Variants in RUNX1 observed in about 807,000 individuals in gnomAD.
RUNX1 encodes the protein runt-related transcription factor 1.
In RUNX1, 19 loss-of-function variants were observed where a neutral mutation model predicts 42.8. That is an observed-to-expected ratio of 0.44 (90% CI 0.31 to 0.65). RUNX1 has a LOEUF of 0.65. RUNX1 is among the 30% of genes least tolerant of loss of function. The probability of loss-of-function intolerance (pLI) is 0.07; values close to 1 mark genes in which losing one functional copy is unlikely to be tolerated. For missense variants in RUNX1, 528 were observed against 672.0 expected (o/e 0.79, Z 2.37); for synonymous variants, 271 against 289.4 (o/e 0.94, Z 0.64).
chr21:34,933,529 C>G (rs1317976352), intron 2 of RUNX1, among the ~76,000 whole-genome samples: 2 of 152,118 alleles, frequency 1.3e-5, no homozygotes, highest in Non-Finnish European at 2.9e-5. Context: ...TTCTGGCAAG[C>G]TGGAGTCATT....
At chr21:34,929,292 G>A (rs909862475) in intron 2 of RUNX1, among the ~76,000 whole-genome samples, 2 of 152,184 alleles carry the variant, frequency 1.3e-5, no homozygotes, top group Non-Finnish European at 2.9e-5. Context: ...ATGGACCACT[G>A]TAAGGAAAAA....
At chr21:34,794,152 T>C (rs1381742691) in intron 8 of RUNX1, among the ~76,000 whole-genome samples, 1 of 152,108 alleles carries the variant, frequency 6.6e-6, no homozygotes, top group African/African-American at 2.4e-5. Flanking sequence ...TGCACAAATA[T>C]GTTACTACTA....
At chr21:34,812,414 T>TA (rs971434805) in intron 7 of RUNX1, among the ~76,000 whole-genome samples, 16 of 152,156 alleles carry the variant, frequency 1.1e-4, no homozygotes, top group Non-Finnish European at 2.4e-4. Flanking sequence ...CACTTGAAGA[T>TA]AAGAGCCATT....
At chr21:34,998,544 C>G (rs2059014244) in intron 2 of RUNX1, among the ~76,000 whole-genome samples, 2 of 151,790 alleles carry the variant, frequency 1.3e-5, no homozygotes, top group African/African-American at 4.8e-5. Context: ...TTCTTTTTTT[C>G]TTTTTCCTTT....
intron 7 of RUNX1, among the ~76,000 whole-genome samples, chr21:34,806,525 G>A (rs2056682416): frequency 1.3e-5 from 2 of 152,252 alleles, no homozygotes. Context: ...AGGTAAATAC[G>A]CTATTACAAT....
rs1021111973 is a variant in RUNX1 at position 34,820,262 on chromosome 21, G to A, written c.805+14148C>T. Among the ~76,000 whole-genome samples the A allele has an allele frequency of 1.2e-4, 19 of 152,154 alleles. 1 individual carries two copies. The highest frequency in any genetic ancestry group is 2.1e-4 in the South Asian group (1 of 4,824). ...CTGGGTGGGGCTGAGTAGAATGGGCGTGGCTTTGAGGAGGATTTCCCTTCC... is the reference window on the plus strand; with the variant it reads ...CTGGGTGGGGCTGAGTAGAATGGGCATGGCTTTGAGGAGGATTTCCCTTCC... On this transcript the variant is annotated intron_variant, in intron 7 of 8. Coordinates refer to ENST00000675419, the MANE Select transcript of RUNX1 (RefSeq NM_001754.5).
intron 2 of RUNX1, among the ~76,000 whole-genome samples, chr21:35,044,108 T>C (rs1012785715): frequency 1.3e-5 from 2 of 152,226 alleles, no homozygotes; most frequent in African/African-American, 4.8e-5. Context: ...TCGTTCTTTT[T>C]CCACAAGGGA....
intron 7 of RUNX1, chr21:34,833,851 G>A (rs2057100386): frequency 4.3e-6 from 1 of 234,464 alleles, no homozygotes; most frequent in Non-Finnish European, 8.7e-6. Flanking sequence ...CTAGCCCCAT[G>A]GGCTGGGGGG....
intron 2 of RUNX1, among the ~76,000 whole-genome samples, chr21:34,962,568 T>C (rs1408096287): frequency 1.5e-5 from 2 of 135,160 alleles, no homozygotes; most frequent in African/African-American, 5.3e-5. Context: ...ATTGATGTGA[T>C]TGTTGTTTGT....
intron 4 of RUNX1, among the ~76,000 whole-genome samples, chr21:34,880,978 C>T (rs1680345995): frequency 6.6e-6 from 1 of 152,114 alleles, no homozygotes; most frequent in South Asian, 2.1e-4. Context: ...TTTGCACCAA[C>T]CTAATACATT....
intron 2 of RUNX1, among the ~76,000 whole-genome samples, chr21:34,948,087 CTT>C (rs368333100): frequency 1.3e-4 from 18 of 137,042 alleles, no homozygotes; most frequent in African/African-American, 3.7e-4. Context: ...CAAAAGAAAT[CTT>C]TTTTTTTTTT....
chr21:34,884,403 C>G (rs1191384287), intron 4 of RUNX1, among the ~76,000 whole-genome samples: 3 of 152,134 alleles, frequency 2.0e-5, no homozygotes, highest in African/African-American at 4.8e-5. Context: ...TATCATCAGG[C>G]CTTATCATTG....
chr21:34,978,949 C>CACACACAA (rs2058825095), intron 2 of RUNX1, among the ~76,000 whole-genome samples: 1 of 149,822 alleles, frequency 6.7e-6, no homozygotes, highest in African/African-American at 2.5e-5. Flanking sequence ...CACACACACA[C>CACACACAA]ACACACACAC....
chr21:34,862,173 G>A (rs1198125998), intron 5 of RUNX1, among the ~76,000 whole-genome samples: 1 of 151,978 alleles, frequency 6.6e-6, no homozygotes, highest in Non-Finnish European at 1.5e-5. Context: ...TACAAGTTTG[G>A]GGATGCAATA....
chr21:35,012,944 C>A (rs1297058781), intron 2 of RUNX1, among the ~76,000 whole-genome samples: 1 of 151,940 alleles, frequency 6.6e-6, no homozygotes, highest in African/African-American at 2.4e-5. Context: ...AAGCAGCCAT[C>A]GATAATACAT....
chr21:34,961,376 G>GATA (rs910419791), intron 2 of RUNX1, among the ~76,000 whole-genome samples: 8 of 143,972 alleles, frequency 5.6e-5, no homozygotes, highest in East Asian at 3.9e-4. Flanking sequence ...TAATAATAAT[G>GATA]ATAATAATAA....
At chr21:34,809,021 C>G (rs937138994) in intron 7 of RUNX1, among the ~76,000 whole-genome samples, 65 of 152,166 alleles carry the variant, frequency 4.3e-4, no homozygotes, top group Admixed American at 7.9e-4. Context: ...CAGACAGATT[C>G]TTTCTCTGTA....
intron 2 of RUNX1, among the ~76,000 whole-genome samples, chr21:34,965,202 GCA>G (rs761858745): frequency 6.6e-6 from 1 of 150,954 alleles, no homozygotes; most frequent in Admixed American, 6.6e-5. Context: ...TCCCGCACGT[GCA>G]CACACACAGC....
chr21:34,998,795 C>T (rs906132941), intron 2 of RUNX1, among the ~76,000 whole-genome samples: 51 of 152,310 alleles, frequency 3.3e-4, no homozygotes, highest in Middle Eastern at 6.8e-3. Context: ...CCCGCCTTGC[C>T]CTCCCAAAGT....
Sources: gnomAD v4.1 joint callset for allele counts (sites outside exome capture counted in the v4.1 genomes callset) on GRCh38, gnomAD v4.1.1 for gene constraint, MANE v1.5 for transcripts, NCBI Gene and HGNC (gene_info 2026-07-23, HGNC 2026-07-21) for gene names.